Variants in BLVRB observed in about 807,000 individuals in gnomAD.
The protein encoded by BLVRB is flavin reductase (NADPH).
A neutral mutation model predicts 21.1 loss-of-function variants in BLVRB; 25 were observed. That is an observed-to-expected ratio of 1.19 (90% CI 0.86 to 1.66). BLVRB has a LOEUF of 1.66. BLVRB is among the 40% of genes most tolerant of loss of function. The pLI is 0.00. For missense variants in BLVRB, 274 were observed against 282.7 expected, an observed-to-expected ratio of 0.97 and a Z score of 0.22; for synonymous variants, 128 against 122.2, an observed-to-expected ratio of 1.05 and a Z score of -0.31.
rs769482773 is a variant in BLVRB at position 40,451,350 on chromosome 19, C to G, written c.463+14G>C. On this transcript the variant is annotated intron_variant, in intron 4 of 4. Coordinates refer to ENST00000263368, the MANE Select transcript of BLVRB (RefSeq NM_000713.3). ...CAGATGGCATTGGTGCCACCAGGTC[C>G]CTGCCCTGCTTACCTATGTGTGGCG... 4 of 1,594,048 alleles carry G rather than the reference C, an allele frequency of 2.5e-6. No individual in the cohort carries two copies. The South Asian group carries it at 4.6e-5, about 18-fold the overall frequency.
Position 40,458,520 on chromosome 19 carries a change from C to T in BLVRB, c.105G>A (p.Arg35=). 1.2e-6 allele frequency: 2 copies of T among 1,611,240 alleles called. No individual in the cohort carries two copies. Among genetic ancestry groups the T allele is most frequent in the Non-Finnish European group, 1.7e-6 (2 of 1,178,968 alleles). ...CCTCTGATGGCAGCCTGGAGGAGTC[C>T]CGCACCAGCACTGTCACTTCGTAAC... is the stretch of plus-strand genomic sequence containing the variant. The part of the protein sequence containing the change: ...QAGYEVTVLV[R]DSSRLPSEGP... The change falls in exon 2 of 5, where the codon CGG becomes CGA. Residue 35 remains arginine, a synonymous_variant. Coordinates refer to ENST00000263368, the MANE Select transcript of BLVRB (RefSeq NM_000713.3).
chr19:40,465,648 T>C lies in BLVRB; in HGVS notation c.41A>G (p.Gln14Arg). Residue 14 changes from glutamine (Q) to arginine (R), a missense_variant, in exon 1 of 5, where the codon CAG (glutamine) becomes CGG (arginine). Coordinates refer to ENST00000263368, the MANE Select transcript of BLVRB (RefSeq NM_000713.3). The stretch of plus-strand genomic sequence containing the variant: ...CTGCGCCAGGGTGGTGAGCCCGGTC[T>C]GGCCAGTGGCGCCGAAGATCGCGAT... ...KKIAIFGATGQTGLTTLAQAV... is the reference protein window; with the variant it reads ...KKIAIFGATGRTGLTTLAQAV... 1 of 1,612,840 alleles carries C rather than the reference T, an allele frequency of 6.2e-7. No homozygotes were observed. The highest frequency in any genetic ancestry group is 8.5e-7 in the Non-Finnish European group (1 of 1,179,836).
intron 1 of BLVRB, among the ~76,000 whole-genome samples, chr19:40,459,609 T>C (rs2079778101): frequency 1.3e-5 from 2 of 151,546 alleles, no homozygotes; most frequent in Admixed American, 1.3e-4. Flanking sequence ...CTCCCTCTGT[T>C]GCCCAGGCTG....
chr19:40,452,474 C>T (rs2079743950), intron 3 of BLVRB, among the ~76,000 whole-genome samples: 1 of 149,368 alleles, frequency 6.7e-6, no homozygotes, highest in Admixed American at 6.8e-5. Context: ...CACCAAACCC[C>T]ACTATTTTTT....
chr19:40,462,499 C>T (rs1185271242), intron 1 of BLVRB, among the ~76,000 whole-genome samples: 12 of 150,842 alleles, frequency 8.0e-5, no homozygotes, highest in African/African-American at 2.2e-4. Context: ...AGGGTGGTCT[C>T]GATCTCCTGA....
intron 3 of BLVRB, among the ~76,000 whole-genome samples, chr19:40,455,156 G>T (rs1369810210): frequency 6.6e-6 from 1 of 152,074 alleles, no homozygotes; most frequent in Non-Finnish European, 1.5e-5. Flanking sequence ...CTTACTCTGG[G>T]TTTCTTTCTA....
intron 1 of BLVRB, among the ~76,000 whole-genome samples, chr19:40,461,584 C>T (rs1313332272): frequency 1.3e-5 from 2 of 151,894 alleles, no homozygotes; most frequent in African/African-American, 4.8e-5. Context: ...ACTGCAACCT[C>T]CGTCTCATGG....
At chr19:40,455,577 A>T (rs1232506979) in intron 3 of BLVRB, among the ~76,000 whole-genome samples, 1 of 152,156 alleles carries the variant, frequency 6.6e-6, no homozygotes, top group Non-Finnish European at 1.5e-5. Flanking sequence ...AGGCACCTGT[A>T]ATCCCAGCTA....
In BLVRB at chr19:40,459,327, C is replaced by CAAAAAAAA. The variant is rs751696189; in HGVS notation, c.80-790_80-783dup. Among the ~76,000 whole-genome samples the CAAAAAAAA allele has an allele frequency of 1.2e-3, 40 of 34,424 alleles. 9 individuals carry two copies. The highest frequency in any genetic ancestry group is 3.5e-3 in the South Asian group (2 of 578). 22.6% of individuals were successfully genotyped at this position (34,424 alleles called of 152,430 possible). On this transcript the variant is annotated intron_variant, in intron 1 of 4. Transcript: ENST00000263368. ...TGGATGACAAAGCGAGACTCTATCT[C>CAAAAAAAA]AAAAAAAAAAAAAAAAAAAAAAAAA...
chr19:40,457,841 A>G lies in BLVRB; in HGVS notation c.334+314T>C, dbSNP rs534943523. 5.6e-4 allele frequency: 209 copies of G among 372,704 alleles called. 2 individuals are homozygous for G. The highest frequency in any genetic ancestry group is 9.7e-4 in the Non-Finnish European group (198 of 203,694). 23.1% of individuals were successfully genotyped at this position (372,704 alleles called of 1,614,324 possible). A position where few individuals can be genotyped will look rare whatever the true frequency, so the allele number is the denominator to read the frequency against. On this transcript the variant is annotated intron_variant, in intron 3 of 4. Transcript: ENST00000263368. The stretch of plus-strand genomic sequence containing the variant: ...AGTCGGACGCCTCCTCTGGGCTCCC[A>G]TAGTCCTGTAGTTTCTCCCATTGTG...
chr19:40,459,580 A>T (rs1009109160), intron 1 of BLVRB, among the ~76,000 whole-genome samples: 15 of 149,734 alleles, frequency 1.0e-4, no homozygotes, highest in Non-Finnish European at 1.8e-4. Flanking sequence ...TATCATTATT[A>T]TTTTTTTTGA....
chr19:40,456,486 A>G (rs2079762708), intron 3 of BLVRB, among the ~76,000 whole-genome samples: 1 of 151,994 alleles, frequency 6.6e-6, no homozygotes, highest in Non-Finnish European at 1.5e-5. Flanking sequence ...AATATTTAGA[A>G]AACAATCTAA....
At chr19:40,449,840 A>G (rs1329341965) in intron 4 of BLVRB, among the ~76,000 whole-genome samples, 1 of 152,172 alleles carries the variant, frequency 6.6e-6, no homozygotes. Flanking sequence ...TAAGCATTGA[A>G]CCTAAACAAA....
Position 40,451,885 on chromosome 19 carries a change from G to A in BLVRB, c.335-393C>T, listed in dbSNP as rs148020104. On this transcript the variant is annotated intron_variant, in intron 3 of 4. Transcript: ENST00000263368. Reference sequence around the variant, plus strand: ...CAAAACCCTGCCATGGCTGACCATTGCTTTCCAGTTGCAAAAACAGGGGAG... The same window carrying A: ...CAAAACCCTGCCATGGCTGACCATTACTTTCCAGTTGCAAAAACAGGGGAG... 2.3e-3 allele frequency among the ~76,000 whole-genome samples: 351 copies of A among 152,220 alleles called. 3 individuals are homozygous for A. The highest frequency in any genetic ancestry group is 3.8e-3 in the Non-Finnish European group (256 of 68,000).
intron 3 of BLVRB, among the ~76,000 whole-genome samples, chr19:40,457,200 G>T (rs1599688773): frequency 6.7e-6 from 1 of 149,926 alleles, no homozygotes; most frequent in Middle Eastern, 3.6e-3. Context: ...TTCTGAAATC[G>T]CAAGTTTACT....
chr19:40,455,057 G>C (rs866120025), intron 3 of BLVRB, among the ~76,000 whole-genome samples: 1 of 150,226 alleles, frequency 6.7e-6, no homozygotes, highest in South Asian at 2.1e-4. Context: ...GTGTTGCCCA[G>C]ACTGGTCCTG....
intron 1 of BLVRB, 103 bp from the exon 2 acceptor site, chr19:40,458,648 C>T: frequency 7.3e-7 from 1 of 1,362,366 alleles, no homozygotes; most frequent in Non-Finnish European, 9.7e-7. Context: ...TCCATCCCCT[C>T]CTCTGTTCTG....
chr19:40,465,345 A>G (rs931234244), intron 1 of BLVRB, among the ~76,000 whole-genome samples: 1 of 152,232 alleles, frequency 6.6e-6, no homozygotes, highest in Admixed American at 6.5e-5. Context: ...ATTGCATAAG[A>G]GCCCTGGACT....
rs149698066 is a variant in BLVRB at position 40,458,157 on chromosome 19, G to A, written c.332C>T (p.Ser111Leu). Residue 111 changes from serine to leucine, a missense_variant and splice_region_variant, in exon 3 of 5, where the codon TCG (serine) becomes TTG (leucine). Transcript: ENST00000263368. ...ACCTCCATGATCCCACCACCCACCC[G>A]AGGTGCAGGCCACGACCTTGTCCAC... ...HGVDKVVACT[S>L]AFLLWDPTKV... 5.1e-3 allele frequency: 8,261 copies of A among 1,613,678 alleles called. 32 individuals are homozygous for A. Among genetic ancestry groups the A allele is most frequent in the Non-Finnish European group, 6.4e-3 (7,569 of 1,179,742 alleles).
Sources: gnomAD v4.1 joint callset for allele counts (sites outside exome capture counted in the v4.1 genomes callset) on GRCh38, gnomAD v4.1.1 for gene constraint, MANE v1.5 for transcripts, NCBI Gene and HGNC (gene_info 2026-07-23, HGNC 2026-07-21) for gene names.